NELL1: variants seen among roughly 807,000 people sequenced by gnomAD.
NELL1 encodes the protein protein kinase C-binding protein NELL1.
Under a neutral mutation model 107.4 loss-of-function variants are expected in NELL1, and 76 were observed. The ratio of observed to expected loss-of-function variants is 0.71; its 90% CI spans 0.59 to 0.86. The LOEUF (loss-of-function observed/expected upper bound fraction) is 0.86, where lower values mean the gene tolerates loss of function less well. NELL1 is among the 40% of genes least tolerant of loss of function. The probability of loss-of-function intolerance (pLI) is 0.00; values close to 1 mark genes in which losing one functional copy is unlikely to be tolerated. For missense variants in NELL1, 1,024 were observed against 1,005.5 expected (o/e 1.02, Z -0.25); for synonymous variants, 353 against 341.2 (o/e 1.03, Z -0.38).
intron 13 of NELL1, among the ~76,000 whole-genome samples, chr11:21,118,615 G>T (rs1010656613): frequency 6.6e-5 from 10 of 152,042 alleles, no homozygotes; most frequent in Non-Finnish European, 1.2e-4. Context: ...ATGATTATTT[G>T]TTGGGAGAAA....
At chr11:20,924,936 G>T (rs1172904875) in intron 7 of NELL1, among the ~76,000 whole-genome samples, 2 of 152,190 alleles carry the variant, frequency 1.3e-5, no homozygotes, top group African/African-American at 4.8e-5. Context: ...AAAAGTTACA[G>T]AGAGTAAAAC....
intron 11 of NELL1, among the ~76,000 whole-genome samples, chr11:20,954,168 A>G (rs1266516645): frequency 6.6e-6 from 1 of 152,196 alleles, no homozygotes; most frequent in African/African-American, 2.4e-5. Context: ...TAACAATTTT[A>G]TGGGATAATG....
At chr11:21,272,512 C>T (rs1432875898) in intron 14 of NELL1, among the ~76,000 whole-genome samples, 10 of 152,222 alleles carry the variant, frequency 6.6e-5, no homozygotes. Flanking sequence ...GCAGAATCCT[C>T]TGCAGACTTA....
intron 15 of NELL1, among the ~76,000 whole-genome samples, chr11:21,483,792 T>C (rs1854550902): frequency 6.7e-6 from 1 of 149,326 alleles, no homozygotes; most frequent in Admixed American, 6.7e-5. Flanking sequence ...GATACCCAAA[T>C]AATGGAATAT....
At chr11:20,739,003 G>A (rs1350952336) in intron 2 of NELL1, among the ~76,000 whole-genome samples, 1 of 152,170 alleles carries the variant, frequency 6.6e-6, no homozygotes, top group African/African-American at 2.4e-5. Flanking sequence ...CTATATAATT[G>A]CCGCAAGCTA....
intron 13 of NELL1, among the ~76,000 whole-genome samples, chr11:21,115,853 C>T (rs1252435769): frequency 2.0e-5 from 3 of 152,002 alleles, no homozygotes; most frequent in Admixed American, 6.6e-5. Flanking sequence ...ACTGCCTCCT[C>T]TCAGGAATTT....
intron 12 of NELL1, among the ~76,000 whole-genome samples, chr11:21,081,981 A>G (rs1169663885): frequency 3.9e-5 from 6 of 152,154 alleles, no homozygotes; most frequent in Admixed American, 1.3e-4. Flanking sequence ...TTTAGAGCCT[A>G]TACTCTGAAA....
intron 2 of NELL1, among the ~76,000 whole-genome samples, chr11:20,734,463 T>A (rs1184984312): frequency 6.6e-6 from 1 of 152,122 alleles, no homozygotes; most frequent in East Asian, 1.9e-4. Flanking sequence ...CCGATGAGGA[T>A]CATCATGAAG....
At chr11:21,515,290 A>G (rs1224061008) in intron 15 of NELL1, among the ~76,000 whole-genome samples, 3 of 152,302 alleles carry the variant, frequency 2.0e-5, no homozygotes, top group South Asian at 2.1e-4. Context: ...GAGGGGACAG[A>G]TGGGAGTAGC....
chr11:20,963,570 G>A (rs1851331268), intron 12 of NELL1, among the ~76,000 whole-genome samples: 1 of 152,064 alleles, frequency 6.6e-6, no homozygotes, highest in African/African-American at 2.4e-5. Context: ...TGAGATAAAT[G>A]GTCATGCAGG....
intron 18 of NELL1, 116 bp downstream of exon 18, chr11:21,571,056 G>A (rs1324729075): frequency 3.4e-6 from 3 of 872,326 alleles, no homozygotes; most frequent in South Asian, 3.5e-5. Context: ...GAGCTCTGTG[G>A]GGCCTGTGGC....
Position 21,076,574 on chromosome 11 carries a change from G to A in NELL1, c.1301-37015G>A, listed in dbSNP as rs80302131. On this transcript the variant is annotated intron_variant, in intron 12 of 19. Coordinates refer to ENST00000357134, the MANE Select transcript of NELL1 (RefSeq NM_006157.5). ...AGAGAATACGTTATCTCTAGCCAGC[G>A]GAGCTGTATTTGATGAGTGAGCAAA... 2.8e-3 allele frequency among the ~76,000 whole-genome samples: 429 copies of A among 152,300 alleles called. 2 individuals carry two copies. Among genetic ancestry groups the A allele is most frequent in the Non-Finnish European group, 4.6e-3 (316 of 68,022 alleles).
At chr11:21,459,808 A>G (rs546748160) in intron 15 of NELL1, among the ~76,000 whole-genome samples, 2 of 152,184 alleles carry the variant, frequency 1.3e-5, no homozygotes, top group South Asian at 4.2e-4. Flanking sequence ...AAGTGGGATG[A>G]CTTCAACTTC....
chr11:20,840,569 C>T (rs138251049), intron 3 of NELL1, among the ~76,000 whole-genome samples: 21 of 152,322 alleles, frequency 1.4e-4, no homozygotes, highest in African/African-American at 3.8e-4. Flanking sequence ...ACCTACATGC[C>T]ACCTCCCCAG....
intron 14 of NELL1, among the ~76,000 whole-genome samples, chr11:21,343,442 T>A (rs2133707138): frequency 6.6e-6 from 1 of 152,258 alleles, no homozygotes; most frequent in Middle Eastern, 3.4e-3. Context: ...CATCACTTCC[T>A]CTTGGCAGCC....
chr11:20,992,363 C>T (rs1024111183), intron 12 of NELL1, among the ~76,000 whole-genome samples: 2 of 152,190 alleles, frequency 1.3e-5, no homozygotes, highest in South Asian at 2.1e-4. Flanking sequence ...GAGGATTGAA[C>T]GTTTTTGGGT....
intron 13 of NELL1, among the ~76,000 whole-genome samples, chr11:21,125,910 A>G (rs1026640935): frequency 6.6e-6 from 1 of 152,222 alleles, no homozygotes; most frequent in African/African-American, 2.4e-5. Flanking sequence ...TCATAGCACC[A>G]ACTCAAATCA....
chr11:21,231,149 A>G (rs1047448131), intron 14 of NELL1, among the ~76,000 whole-genome samples: 4 of 152,244 alleles, frequency 2.6e-5, no homozygotes, highest in African/African-American at 9.6e-5. Flanking sequence ...GATACCCTAC[A>G]TATTTTTGAG....
At position 21,254,817 on chromosome 11, in the gene NELL1, A is replaced by G. The variant is rs142876517; in HGVS notation, c.1549+25363A>G. 8.0e-4 allele frequency among the ~76,000 whole-genome samples: 122 copies of G among 152,206 alleles called. 1 individual carries two copies. The Middle Eastern group carries it at 0.017, about 21-fold the overall frequency. ...TTCACAGCCATTTCTGAAAAAGCCC[A>G]GCTGTGCCGAGATGGCCACTGAGGG... On this transcript the variant is annotated intron_variant, in intron 14 of 19. Transcript: ENST00000357134.
Sources: gnomAD v4.1 joint callset for allele counts (sites outside exome capture counted in the v4.1 genomes callset) on GRCh38, gnomAD v4.1.1 for gene constraint, MANE v1.5 for transcripts, NCBI Gene and HGNC (gene_info 2026-07-23, HGNC 2026-07-21) for gene names.